The following NCKAP5 variants were observed in gnomAD, a reference collection of about 807,000 sequenced individuals.
NCKAP5 encodes the protein nck-associated protein 5.
A neutral mutation model predicts 167.0 loss-of-function variants in NCKAP5; 92 were observed. That is an observed-to-expected ratio of 0.55 (90% CI 0.47 to 0.66). The LOEUF (loss-of-function observed/expected upper bound fraction) is 0.66. Among genes scored for constraint, NCKAP5 ranks in the 30% least tolerant of loss-of-function variants. The pLI, the probability that NCKAP5 is intolerant of heterozygous loss-of-function variation, is 0.00. For synonymous variants in NCKAP5, 891 were observed against 877.4 expected (o/e 1.02, Z -0.27); for missense variants, 2,378 against 2,315.0 (o/e 1.03, Z -0.56).
chr2:132,813,665 G>A (rs894468546), intron 11 of NCKAP5, among the ~76,000 whole-genome samples: 10 of 152,106 alleles, frequency 6.6e-5, no homozygotes, highest in African/African-American at 1.4e-4. Context: ...GAAACCATAC[G>A]TGGGCCCTGC....
chr2:133,113,142 C>G (rs1865334), intron 6 of NCKAP5, among the ~76,000 whole-genome samples: 4,339 of 152,074 alleles, frequency 0.029, 86 homozygotes, highest in Non-Finnish European at 0.046. Flanking sequence ...TGGACAGTGA[C>G]CCTACCTTGG....
intron 18 of NCKAP5, 62 bp from the exon 19 acceptor site, chr2:132,725,821 C>A (rs558918463): frequency 6.5e-7 from 1 of 1,550,194 alleles, no homozygotes; most frequent in South Asian, 1.2e-5. Flanking sequence ...GCAGAGCATC[C>A]TGTGAGGATG....
intron 6 of NCKAP5, among the ~76,000 whole-genome samples, chr2:133,109,986 G>GAA (rs1193332070): frequency 6.6e-6 from 1 of 152,140 alleles, no homozygotes; most frequent in Non-Finnish European, 1.5e-5. Context: ...CTTGATACAA[G>GAA]AAGGCTTCAG....
At chr2:132,910,909 A>G (rs962332083) in intron 8 of NCKAP5, among the ~76,000 whole-genome samples, 1 of 152,236 alleles carries the variant, frequency 6.6e-6, no homozygotes, top group East Asian at 1.9e-4. Flanking sequence ...GTATAATTCT[A>G]TCTCATAAGC....
At chr2:132,996,020 A>T (rs2077589170) in intron 6 of NCKAP5, among the ~76,000 whole-genome samples, 1 of 152,236 alleles carries the variant, frequency 6.6e-6, no homozygotes, top group Non-Finnish European at 1.5e-5. Context: ...ACTAAGGCAC[A>T]AACAAACACA....
At chr2:133,663,896 G>T in the NCKAP5 span, among the ~76,000 whole-genome samples, 1 of 152,256 alleles carries the variant, frequency 6.6e-6, no homozygotes, top group Admixed American at 6.5e-5. Flanking sequence ...CTAGAATGGT[G>T]AATTCTTTCC....
intron 11 of NCKAP5, among the ~76,000 whole-genome samples, chr2:132,818,445 G>A (rs1686454030): frequency 6.6e-6 from 1 of 152,216 alleles, no homozygotes. Flanking sequence ...GGAGGCCAAG[G>A]CAGGCAGATC....
chr2:132,691,966 C>T (rs531701218), intron 19 of NCKAP5, among the ~76,000 whole-genome samples: 8 of 152,216 alleles, frequency 5.3e-5, no homozygotes, highest in South Asian at 4.2e-4. Flanking sequence ...CTGTCTTTGA[C>T]CTTTCAGCTG....
At chr2:133,154,703 A>C (rs2083509098) in intron 5 of NCKAP5, among the ~76,000 whole-genome samples, 1 of 152,230 alleles carries the variant, frequency 6.6e-6, no homozygotes, top group Non-Finnish European at 1.5e-5. Context: ...GAATTCTCTG[A>C]GGAGCGTCAC....
the NCKAP5 span, among the ~76,000 whole-genome samples, chr2:133,640,876 C>T: frequency 3.9e-5 from 6 of 152,168 alleles, no homozygotes; most frequent in African/African-American, 1.4e-4. Flanking sequence ...CTGTATTAGG[C>T]ACTAGGGATG....
chr2:132,879,640 T>C (rs1244206447), intron 8 of NCKAP5, among the ~76,000 whole-genome samples: 1 of 152,216 alleles, frequency 6.6e-6, no homozygotes, highest in South Asian at 2.1e-4. Flanking sequence ...CTGGTTCCAC[T>C]GCAGGTTCCT....
At chr2:133,282,029 A>T (rs1223165024) in intron 4 of NCKAP5, among the ~76,000 whole-genome samples, 2 of 152,170 alleles carry the variant, frequency 1.3e-5, no homozygotes, top group African/African-American at 4.8e-5. Flanking sequence ...TCACGTGCCT[A>T]TAAGGAAGAG....
chr2:132,781,493 G>A (rs937315684), intron 14 of NCKAP5, among the ~76,000 whole-genome samples: 1 of 152,152 alleles, frequency 6.6e-6, no homozygotes, highest in African/African-American at 2.4e-5. Context: ...ACTGAAGAGT[G>A]ATTATTAACT....
At chr2:132,829,090 G>C (rs922238315) in intron 11 of NCKAP5, among the ~76,000 whole-genome samples, 1 of 152,126 alleles carries the variant, frequency 6.6e-6, no homozygotes. Context: ...TAAAAACAAC[G>C]ACAATGTCAG....
chr2:132,727,475 G>T (rs1274915817), intron 18 of NCKAP5, among the ~76,000 whole-genome samples: 1 of 152,206 alleles, frequency 6.6e-6, no homozygotes, highest in African/African-American at 2.4e-5. Flanking sequence ...CTGGGGATTT[G>T]TTAGAAATGT....
rs542517812 is a variant in NCKAP5 at position 132,752,205 on chromosome 2, T to G, written c.5129-20154A>C. 4.3e-4 allele frequency among the ~76,000 whole-genome samples: 65 copies of G among 152,372 alleles called. No individual in the cohort carries two copies. The Middle Eastern group carries it at 0.01, about 24-fold the overall frequency. On this transcript the variant is annotated intron_variant, in intron 16 of 19. Coordinates refer to ENST00000409261, the MANE Select transcript of NCKAP5 (RefSeq NM_207363.3). Reference sequence around the variant, plus strand: ...TGAATAAATATGCCATTTGCAGGCATGCAGGTTTTAGGGGCCTTGGGCCCT... The same window carrying G: ...TGAATAAATATGCCATTTGCAGGCAGGCAGGTTTTAGGGGCCTTGGGCCCT...
At chr2:133,647,468 C>CAAGGG in the NCKAP5 span, among the ~76,000 whole-genome samples, 33 of 53,022 alleles carry the variant, frequency 6.2e-4, 3 homozygotes, top group African/African-American at 2.9e-3. Flanking sequence ...AAAGAAAGGG[C>CAAGGG]AAGGGAAGGA....
intron 6 of NCKAP5, among the ~76,000 whole-genome samples, chr2:133,074,379 A>G (rs556757204): frequency 6.8e-6 from 1 of 147,156 alleles, no homozygotes; most frequent in African/African-American, 2.5e-5. Flanking sequence ...ATTTTTTTTG[A>G]GACAGGGTCT....
chr2:133,641,531 C>A, the NCKAP5 span, among the ~76,000 whole-genome samples: 200 of 152,294 alleles, frequency 1.3e-3, 1 homozygote, highest in African/African-American at 4.7e-3. Flanking sequence ...AGTCAGGCAC[C>A]AACTATCCTG....
Sources: gnomAD v4.1 joint callset for allele counts (sites outside exome capture counted in the v4.1 genomes callset) on GRCh38, gnomAD v4.1.1 for gene constraint, MANE v1.5 for transcripts, NCBI Gene and HGNC (gene_info 2026-07-23, HGNC 2026-07-21) for gene names.